RPS6KA5: variants seen among roughly 807,000 people sequenced by gnomAD.
RPS6KA5 encodes the protein ribosomal protein S6 kinase A5.
In RPS6KA5, 27 loss-of-function variants were observed where a neutral mutation model predicts 85.5. The ratio of observed to expected loss-of-function variants is 0.32; its 90% CI spans 0.23 to 0.44. The LOEUF is 0.44. RPS6KA5 is among the 20% of genes least tolerant of loss of function. The pLI is 1.00. For synonymous variants in RPS6KA5, 334 were observed against 348.2 expected, an observed-to-expected ratio of 0.96 and a Z score of 0.46; for missense variants, 811 against 980.9, an observed-to-expected ratio of 0.83 and a Z score of 2.31.
At chr14:91,017,853 C>T (rs1566869246) in intron 1 of RPS6KA5, among the ~76,000 whole-genome samples, 1 of 152,192 alleles carries the variant, frequency 6.6e-6, no homozygotes, top group Non-Finnish European at 1.5e-5. Flanking sequence ...TTAAGACTGC[C>T]ACATGGCCAC....
intron 14 of RPS6KA5, among the ~76,000 whole-genome samples, chr14:90,887,970 A>AG (rs2034330567): frequency 6.6e-6 from 1 of 150,634 alleles, no homozygotes; most frequent in Non-Finnish European, 1.5e-5. Context: ...AAAAAAAAAA[A>AG]AGGAATCTAA....
At chr14:91,043,156 C>T (rs1324584379) in intron 1 of RPS6KA5, among the ~76,000 whole-genome samples, 5 of 152,138 alleles carry the variant, frequency 3.3e-5, no homozygotes, top group African/African-American at 9.7e-5. Flanking sequence ...CACAACTTTC[C>T]TAGGTTTTCT....
chr14:91,021,998 C>T (rs1439041181), intron 1 of RPS6KA5, among the ~76,000 whole-genome samples: 1 of 152,158 alleles, frequency 6.6e-6, no homozygotes, highest in Non-Finnish European at 1.5e-5. Context: ...AGAGCTAGGA[C>T]ATACATATTT....
At chr14:90,872,796 T>C (rs368188670) in intron 16 of RPS6KA5, among the ~76,000 whole-genome samples, 2 of 152,228 alleles carry the variant, frequency 1.3e-5, no homozygotes, top group Admixed American at 6.5e-5. Context: ...CTTACACGCA[T>C]GGAGAAGCAC....
At chr14:90,943,306 C>G in intron 4 of RPS6KA5, 121 bp from the exon 5 acceptor site, 1 of 600,196 alleles carries the variant, frequency 1.7e-6, no homozygotes, top group South Asian at 2.4e-5. Flanking sequence ...CCTCAGGATC[C>G]TGTAATGGCT....
intron 3 of RPS6KA5, among the ~76,000 whole-genome samples, chr14:90,968,070 A>T (rs1393899661): frequency 1.3e-5 from 2 of 152,218 alleles, no homozygotes; most frequent in African/African-American, 4.8e-5. Flanking sequence ...TGACATGGAC[A>T]TCACTGGACT....
At chr14:91,021,376 C>G (rs895117147) in intron 1 of RPS6KA5, among the ~76,000 whole-genome samples, 3 of 152,098 alleles carry the variant, frequency 2.0e-5, no homozygotes, top group Non-Finnish European at 4.4e-5. Flanking sequence ...CACAATGACT[C>G]ACACCTGAAA....
At chr14:91,021,795 T>G (rs2041793099) in intron 1 of RPS6KA5, among the ~76,000 whole-genome samples, 1 of 152,210 alleles carries the variant, frequency 6.6e-6, no homozygotes, top group Admixed American at 6.5e-5. Context: ...TGTCCTGACA[T>G]GCCCCCTTTC....
At position 90,851,963 on chromosome 14, in the gene RPS6KA5, T is replaced by TA. The variant is rs1214608369; in HGVS notation, c.*20110dup. ...TTATTTGAACAAAAAAGACAGAATT[T>TA]AATATATTCGTTGATCTAAAGAAAT... On this transcript the variant is annotated 3_prime_UTR_variant, in exon 17 of 17. Coordinates refer to ENST00000614987, the MANE Select transcript of RPS6KA5 (RefSeq NM_004755.4). The TA allele has an allele frequency of 6.6e-6, 1 of 152,100 alleles. No homozygotes were observed. The highest frequency in any genetic ancestry group is 2.4e-5 in the African/African-American group (1 of 41,420). 9.4% of individuals were successfully genotyped at this position (152,100 alleles called of 1,614,324 possible).
rs75847723 is a variant in RPS6KA5, at chr14:90,858,506, A to T, written c.*13568T>A. On this transcript the variant is annotated 3_prime_UTR_variant, in exon 17 of 17. Coordinates refer to ENST00000614987, the MANE Select transcript of RPS6KA5 (RefSeq NM_004755.4). ...AGAGAACGATGTCCTTTTTTTCTGAAGTCAATATACTAGAGCTAAACGAAA... is the reference window on the plus strand; with the variant it reads ...AGAGAACGATGTCCTTTTTTTCTGATGTCAATATACTAGAGCTAAACGAAA... The T allele has an allele frequency of 6.6e-6, 1 of 152,202 alleles. No individual in the cohort carries two copies. The highest frequency in any genetic ancestry group is 2.4e-5 in the African/African-American group (1 of 41,438). 9.4% of individuals were successfully genotyped at this position (152,202 alleles called of 1,614,324 possible). A position where few individuals can be genotyped will look rare whatever the true frequency, so the allele number is the denominator to read the frequency against.
chr14:90,997,605 G>C (rs1391296600), intron 2 of RPS6KA5, among the ~76,000 whole-genome samples: 1 of 152,082 alleles, frequency 6.6e-6, no homozygotes, highest in Non-Finnish European at 1.5e-5. Flanking sequence ...AGTCTCCAAA[G>C]CAGCATTATT....
At chr14:90,941,644 ATCC>A (rs1283684203) in intron 5 of RPS6KA5, among the ~76,000 whole-genome samples, 2 of 152,158 alleles carry the variant, frequency 1.3e-5, no homozygotes, top group African/African-American at 4.8e-5. Flanking sequence ...CTTTCAATCA[ATCC>A]TCCTGGGTCC....
chr14:90,892,643 T>G, intron 13 of RPS6KA5, among the ~76,000 whole-genome samples: 1 of 152,202 alleles, frequency 6.6e-6, no homozygotes, highest in Non-Finnish European at 1.5e-5. Context: ...CTTCTAAATT[T>G]ATCTGACTCT....
At chr14:90,881,300 A>T (rs1216275049) in intron 14 of RPS6KA5, among the ~76,000 whole-genome samples, 1 of 151,242 alleles carries the variant, frequency 6.6e-6, no homozygotes, top group Non-Finnish European at 1.5e-5. Flanking sequence ...AAACTACAAA[A>T]ATTAGCTGGG....
intron 14 of RPS6KA5, among the ~76,000 whole-genome samples, chr14:90,884,734 TGG>T (rs1349433036): frequency 6.6e-6 from 1 of 152,186 alleles, no homozygotes; most frequent in Admixed American, 6.5e-5. Flanking sequence ...TGATGAACAT[TGG>T]GTTGTTTCCA....
In RPS6KA5 at chr14:90,920,289, CAA is replaced by C; in HGVS notation, c.721_722del (p.Leu241GlyfsTer6). On this transcript the variant is annotated frameshift_variant, in exon 7 of 17. Coordinates refer to ENST00000614987, the MANE Select transcript of RPS6KA5 (RefSeq NM_004755.4). LOFTEE classifies it high-confidence loss of function. Reference sequence around the variant, plus strand: ...TTAGTAATTCATACATTAGAACACCCAAACTCCACCAGTCAACTGCCTATAAA... The same window carrying C: ...TTAGTAATTCATACATTAGAACACCCACTCCACCAGTCAACTGCCTATAAA... ...GHDKAVDWWSLGVLMYELLTG... is the reference protein window; with the variant it reads ...GHDKAVDWWSXGVLMYELLTG... The C allele has an allele frequency of 6.2e-7, 1 of 1,608,270 alleles. No individual in the cohort carries two copies. Among genetic ancestry groups the C allele is most frequent in the Non-Finnish European group, 8.5e-7 (1 of 1,175,414 alleles).
chr14:90,873,826 T>C (rs200523421), intron 15 of RPS6KA5, 31 bp from the exon 16 acceptor site: 3 of 1,590,184 alleles, frequency 1.9e-6, no homozygotes, highest in Admixed American at 1.7e-5. Flanking sequence ...ATTTTATGAT[T>C]TGTCATTTTA....
intron 1 of RPS6KA5, among the ~76,000 whole-genome samples, chr14:91,019,575 A>G (rs1481088840): frequency 6.6e-6 from 1 of 152,222 alleles, no homozygotes; most frequent in Non-Finnish European, 1.5e-5. Context: ...CCAATTCCTT[A>G]TAATAAATCT....
chr14:90,927,692 C>T (rs2036747434), intron 5 of RPS6KA5, among the ~76,000 whole-genome samples: 1 of 151,930 alleles, frequency 6.6e-6, no homozygotes, highest in South Asian at 2.1e-4. Flanking sequence ...TTGTGAAAAG[C>T]TTTAAAAATA....
Sources: allele counts gnomAD v4.1 joint callset (sites outside exome capture counted in the v4.1 genomes callset), GRCh38; gene constraint gnomAD v4.1.1; transcripts MANE v1.5; gene names NCBI Gene and HGNC (gene_info 2026-07-23, HGNC 2026-07-21).